EEIG2: variants seen among roughly 807,000 people sequenced by gnomAD.
EEIG2 encodes the protein EEIG family member 2.
chr1:108,629,787 C>T, the EEIG2 span: 273 of 707,036 alleles, frequency 3.9e-4, no homozygotes, highest in Admixed American at 8.0e-4. Context: ...TAGTTACATG[C>T]GAAGAGTTAC....
the EEIG2 span, among the ~76,000 whole-genome samples, chr1:108,617,321 AAC>A: frequency 1.3e-5 from 2 of 152,218 alleles, no homozygotes; most frequent in Non-Finnish European, 2.9e-5. Flanking sequence ...CTGTAGGAGT[AAC>A]AGAGAGGACA....
At chr1:108,601,975 G>A in the EEIG2 span, among the ~76,000 whole-genome samples, 56 of 152,288 alleles carry the variant, frequency 3.7e-4, no homozygotes, top group South Asian at 1.0e-3. Context: ...GTTGGGGGAG[G>A]TGTGATAGGG....
the EEIG2 span, among the ~76,000 whole-genome samples, chr1:108,605,587 A>G: frequency 1.3e-5 from 2 of 152,186 alleles, no homozygotes; most frequent in African/African-American, 4.8e-5. Flanking sequence ...AACACATACC[A>G]TGTGCTAGGT....
chr1:108,628,054 CTTA>C, the EEIG2 span: 1 of 845,088 alleles, frequency 1.2e-6, no homozygotes, highest in Non-Finnish European at 1.9e-6. Context: ...CATTTTGTAA[CTTA>C]TTGTTTTGAT....
At chr1:108,560,111 A>AGCGGCGGCGGAGGCGGCG in the EEIG2 span, 87 of 173,592 alleles carry the variant, frequency 5.0e-4, 1 homozygote, top group African/African-American at 1.8e-3. Context: ...GACGGGCGGC[A>AGCGGCGGCGGAGGCGGCG]GCGGCGGCGG....
the EEIG2 span, among the ~76,000 whole-genome samples, chr1:108,595,758 G>T: frequency 6.6e-6 from 1 of 151,598 alleles, no homozygotes; most frequent in East Asian, 1.9e-4. Flanking sequence ...ACATGCTGGA[G>T]GGAGAGAGGA....
chr1:108,568,568 T>C, the EEIG2 span, among the ~76,000 whole-genome samples: 51 of 152,198 alleles, frequency 3.4e-4, no homozygotes, highest in Non-Finnish European at 1.2e-4. Flanking sequence ...TAGGAAACCA[T>C]TGTCACCTGT....
the EEIG2 span, among the ~76,000 whole-genome samples, chr1:108,589,148 C>G: frequency 1.3e-5 from 2 of 152,110 alleles, no homozygotes; most frequent in Non-Finnish European, 2.9e-5. Context: ...GCCAGTCCCC[C>G]TAATTATCAC....
At chr1:108,572,033 ACT>A in the EEIG2 span, among the ~76,000 whole-genome samples, 1 of 152,226 alleles carries the variant, frequency 6.6e-6, no homozygotes. Flanking sequence ...TCAATCCTGC[ACT>A]CTGACTGCTG....
At chr1:108,609,708 C>A in the EEIG2 span, among the ~76,000 whole-genome samples, 3 of 152,066 alleles carry the variant, frequency 2.0e-5, no homozygotes, top group Admixed American at 6.5e-5. Flanking sequence ...AATAGGAGAC[C>A]GCAGAGAAAA....
the EEIG2 span, chr1:108,638,609 T>G: frequency 6.6e-6 from 1 of 152,214 alleles, no homozygotes; most frequent in Non-Finnish European, 1.5e-5. Flanking sequence ...GTTCTGAAAT[T>G]CTGTTTGGTC....
chr1:108,617,468 G>A, the EEIG2 span, among the ~76,000 whole-genome samples: 29 of 152,300 alleles, frequency 1.9e-4, no homozygotes, highest in South Asian at 1.2e-3. Context: ...GGTGTTAGAC[G>A]TTTTAAATTG....
the EEIG2 span, among the ~76,000 whole-genome samples, chr1:108,617,911 T>C: frequency 6.6e-6 from 1 of 152,194 alleles, no homozygotes; most frequent in Non-Finnish European, 1.5e-5. Flanking sequence ...ATAGAGACTA[T>C]TGATGACTTT....
the EEIG2 span, among the ~76,000 whole-genome samples, chr1:108,620,085 G>A: frequency 6.6e-5 from 10 of 152,292 alleles, no homozygotes; most frequent in South Asian, 2.1e-3. Context: ...ATGAGGAAAC[G>A]GAGTAACAGA....
the EEIG2 span, among the ~76,000 whole-genome samples, chr1:108,570,778 C>G: frequency 6.6e-6 from 1 of 152,020 alleles, no homozygotes; most frequent in Non-Finnish European, 1.5e-5. Flanking sequence ...TCTAAAGAAT[C>G]AGTAATGGGG....
chr1:108,629,692 G>A, the EEIG2 span: 1 of 1,516,896 alleles, frequency 6.6e-7, no homozygotes, highest in African/African-American at 1.4e-5. Flanking sequence ...TTAAAATATA[G>A]ACTAATTTTT....
chr1:108,573,261 A>T, the EEIG2 span, among the ~76,000 whole-genome samples: 6 of 152,352 alleles, frequency 3.9e-5, no homozygotes, highest in Non-Finnish European at 7.3e-5. Flanking sequence ...GATTTACCCA[A>T]CATTATACTA....
At chr1:108,612,124 T>A in the EEIG2 span, 1 of 1,248,000 alleles carries the variant, frequency 8.0e-7, no homozygotes. Flanking sequence ...TTAAGGAGCA[T>A]ATGATAGAAG....
chr1:108,566,672 T>C, the EEIG2 span, among the ~76,000 whole-genome samples: 13 of 151,900 alleles, frequency 8.6e-5, no homozygotes, highest in Non-Finnish European at 1.6e-4. Context: ...ATGTGGTATA[T>C]ACAATGGAAA....
Sources: gnomAD v4.1 joint callset for allele counts (sites outside exome capture counted in the v4.1 genomes callset) on GRCh38, gnomAD v4.1.1 for gene constraint, MANE v1.5 for transcripts, NCBI Gene and HGNC (gene_info 2026-07-23, HGNC 2026-07-21) for gene names.